The following PATZ1 variants were observed in gnomAD, a reference collection of about 807,000 sequenced individuals.
The protein encoded by PATZ1 is POZ/BTB and AT hook containing zinc finger 1, also known as POZ-, AT hook-, and zinc finger-containing protein 1.
A neutral mutation model predicts 46.2 loss-of-function variants in PATZ1; 9 were observed. The ratio of observed to expected loss-of-function variants is 0.19; its 90% confidence interval spans 0.12 to 0.34. PATZ1 has a LOEUF of 0.34. Among genes scored for constraint, PATZ1 ranks in the 10% least tolerant of loss-of-function variants. The pLI is 1.00. For missense variants in PATZ1, 632 were observed against 923.0 expected, an observed-to-expected ratio of 0.68 and a Z score of 4.08; for synonymous variants, 426 against 378.6, an observed-to-expected ratio of 1.13 and a Z score of -1.45.
intron 3 of PATZ1, among the ~76,000 whole-genome samples, chr22:31,334,501 C>T (rs185216347): frequency 6.6e-6 from 1 of 152,264 alleles, no homozygotes; most frequent in Admixed American, 6.5e-5. Flanking sequence ...ACAGCACAGG[C>T]ACCCAACGAT....
chr22:31,335,684 C>A lies in PATZ1; in HGVS notation c.1507+8G>T, dbSNP rs754627621. 1.2e-6 allele frequency: 2 copies of A among 1,612,238 alleles called. No individual in the cohort carries two copies. Among genetic ancestry groups the A allele is most frequent in the South Asian group, 1.1e-5 (1 of 91,020 alleles). ...CCTCTGGAAGTGAGGAAACAGTGGG[C>A]AGATTACCTCGGTTACAGATACTGC... On this transcript the variant is annotated splice_region_variant and intron_variant, in intron 3 of 4. Coordinates refer to ENST00000266269, the MANE Select transcript of PATZ1 (RefSeq NM_014323.3).
At chr22:31,344,152 A>T (rs929628826) in intron 1 of PATZ1, among the ~76,000 whole-genome samples, 180 bp downstream of exon 1, 2 of 152,202 alleles carry the variant, frequency 1.3e-5, no homozygotes, top group African/African-American at 4.8e-5. Flanking sequence ...GAGGGAATGG[A>T]AAGCAGGTCT....
intron 2 of PATZ1, chr22:31,340,799 C>CA (rs1331997070): frequency 9.4e-7 from 1 of 1,058,566 alleles, no homozygotes; most frequent in Non-Finnish European, 1.1e-6. Flanking sequence ...CCCCCAAAGC[C>CA]ATATATTGGG....
chr22:31,339,915 C>T (rs1458749760), intron 2 of PATZ1, among the ~76,000 whole-genome samples: 1 of 152,206 alleles, frequency 6.6e-6, no homozygotes, highest in Non-Finnish European at 1.5e-5. Flanking sequence ...GGGGTAGTCT[C>T]AAGCAGCTTT....
intron 2 of PATZ1, among the ~76,000 whole-genome samples, chr22:31,340,015 T>C (rs1174489719): frequency 6.6e-6 from 1 of 152,210 alleles, no homozygotes; most frequent in East Asian, 1.9e-4. Flanking sequence ...CATATGCCCA[T>C]CTCAACGCAT....
At position 31,341,828 on chromosome 22, in the gene PATZ1, G is replaced by A. The variant is rs554143322; in HGVS notation, c.1335+1069C>T. The A allele has an allele frequency of 1.5e-5, 11 of 709,694 alleles. No individual in the cohort carries two copies. The African/African-American group carries it at 2.0e-4, about 13-fold the overall frequency. The allele number at this position is 709,694 out of a possible 1,614,324, so 44.0% of individuals were successfully genotyped here. ...CTCTGTGATGAGAGAATCAGAGACA[G>A]AGAGAGAGAAGGCAGCAAGGCAAAG... On this transcript the variant is annotated intron_variant, in intron 2 of 4. Transcript: ENST00000266269.
intron 3 of PATZ1, among the ~76,000 whole-genome samples, chr22:31,331,672 C>G (rs2049445801): frequency 6.6e-6 from 1 of 151,890 alleles, no homozygotes; most frequent in South Asian, 2.1e-4. Flanking sequence ...CTTGTGGGGT[C>G]TCTAAAATAG....
intron 1 of PATZ1, 78 bp from the exon 2 acceptor site, chr22:31,343,038 A>G (rs956109074): frequency 1.5e-5 from 17 of 1,111,074 alleles, no homozygotes; most frequent in Non-Finnish European, 4.9e-6. Flanking sequence ...ATACGTGTGT[A>G]CACACACACA....
At chr22:31,343,099 G>C in intron 1 of PATZ1, 139 bp from the exon 2 acceptor site, 2 of 1,450,514 alleles carry the variant, frequency 1.4e-6, no homozygotes, top group Non-Finnish European at 1.8e-6. Context: ...GCATGACAAA[G>C]ACAAAGTCAC....
At position 31,342,964 on chromosome 22, in the gene PATZ1, G is replaced by C; in HGVS notation, c.1272-4C>G. The C allele has an allele frequency of 6.2e-7, 1 of 1,613,882 alleles. No individual in the cohort carries two copies. Among genetic ancestry groups the C allele is most frequent in the Non-Finnish European group, 8.5e-7 (1 of 1,179,850 alleles). On this transcript the variant is annotated splice_polypyrimidine_tract_variant and splice_region_variant and intron_variant, in intron 1 of 4. Transcript: ENST00000266269. ...ATGTCCGTTCAAGTGATCAGGCCTGGAAAAGAGAGAACCAAGAGGGACTTT... is the reference window on the plus strand; with the variant it reads ...ATGTCCGTTCAAGTGATCAGGCCTGCAAAAGAGAGAACCAAGAGGGACTTT...
intron 3 of PATZ1, 132 bp from the exon 4 acceptor site, chr22:31,329,056 G>A (rs1273092179): frequency 3.4e-6 from 3 of 869,944 alleles, no homozygotes; most frequent in African/African-American, 3.4e-5. Context: ...CCCCCTCCTG[G>A]CTCAAAAATG....
chr22:31,333,805 G>A (rs1036201734), intron 3 of PATZ1, among the ~76,000 whole-genome samples: 2 of 152,174 alleles, frequency 1.3e-5, no homozygotes, highest in Admixed American at 1.3e-4. Flanking sequence ...ACTAGCCCTT[G>A]GAAAATAAAT....
Position 31,345,918 on chromosome 22 carries a change from C to T in PATZ1, c.-316G>A. 1 of 317,802 alleles carries T rather than the reference C, an allele frequency of 3.1e-6. No homozygotes were observed. Among genetic ancestry groups the T allele is most frequent in the East Asian group, 4.8e-5 (1 of 21,018 alleles). 19.7% of individuals were successfully genotyped at this position (317,802 alleles called of 1,614,324 possible). On this transcript the variant is annotated 5_prime_UTR_variant, in exon 1 of 5. Transcript: ENST00000266269. The surrounding 1 kb of genome is among the most constrained non-coding windows in gnomAD (Gnocchi z 7.4). The stretch of plus-strand genomic sequence containing the variant: ...GGTGCGCGAGCGAAGAGGTGCGCCC[C>T]TCCTGCAAACGCGCCTGCCACCTCC...
At chr22:31,335,284 G>A (rs1207921056) in intron 3 of PATZ1, 1 of 161,228 alleles carries the variant, frequency 6.2e-6, no homozygotes, top group Non-Finnish European at 1.3e-5. Context: ...ATATGCCAGT[G>A]AATCAACCAG....
rs768522850 is a variant in PATZ1, at chr22:31,344,715, T to G, written c.888A>C (p.Leu296=). The G allele has an allele frequency of 6.2e-7, 1 of 1,612,854 alleles. No individual in the cohort carries two copies. The highest frequency in any genetic ancestry group is 1.7e-4 in the Middle Eastern group (1 of 6,056). The stretch of plus-strand genomic sequence containing the variant: ...TGGCATCAGTGAACACCTTACCACA[T>G]AGACCGCATGGAAGGATGCCTGCCT... ...LREAGILPCG[L]CGKVFTDANR... is the part of the protein sequence containing the mutation. Residue 296 remains leucine (L), a synonymous_variant, in exon 1 of 5, where the codon CTA becomes CTC. Coordinates refer to ENST00000266269, the MANE Select transcript of PATZ1 (RefSeq NM_014323.3).
Position 31,326,704 on chromosome 22 carries a change from T to A in PATZ1, c.*187A>T. ...ATTGATATTTCTGCAGAATATCAGA[T>A]GAAAATCTATTTCTAAAGACCATTG... On this transcript the variant is annotated 3_prime_UTR_variant, in exon 5 of 5. Transcript: ENST00000266269. 1.7e-6 allele frequency: 1 copy of A among 588,594 alleles called. No homozygotes were observed. The highest frequency in any genetic ancestry group is 2.2e-5 in the South Asian group (1 of 44,468). The allele number at this position is 588,594 out of a possible 1,614,324, so 36.5% of individuals were successfully genotyped here. A position where few individuals can be genotyped will look rare whatever the true frequency, so the allele number is the denominator to read the frequency against.
chr22:31,329,565 G>C (rs2049411539), intron 3 of PATZ1, among the ~76,000 whole-genome samples: 1 of 152,202 alleles, frequency 6.6e-6, no homozygotes. Context: ...TTGTGTCAGA[G>C]GAGTGCAGTC....
Position 31,344,185 on chromosome 22 carries a change from G to C in PATZ1, c.1271+147C>G, listed in dbSNP as rs573999402. ...TCTCAGGCATACCATCTCAAAATAAGGGCCCTTAAAAACACTCTACCCAAA... is the reference window on the plus strand; with the variant it reads ...TCTCAGGCATACCATCTCAAAATAACGGCCCTTAAAAACACTCTACCCAAA... On this transcript the variant is annotated intron_variant, in intron 1 of 4. Coordinates refer to ENST00000266269, the MANE Select transcript of PATZ1 (RefSeq NM_014323.3). 52 of 698,520 alleles carry C rather than the reference G, an allele frequency of 7.4e-5. No individual in the cohort carries two copies. The East Asian group carries it at 1.4e-3, about 18-fold the overall frequency. The allele number at this position is 698,520 out of a possible 1,614,324, so 43.3% of individuals were successfully genotyped here. A position where few individuals can be genotyped will look rare whatever the true frequency, so the allele number is the denominator to read the frequency against.
chr22:31,341,383 A>G (rs967517721), intron 2 of PATZ1: 4 of 1,525,478 alleles, frequency 2.6e-6, no homozygotes, highest in Non-Finnish European at 3.5e-6. Flanking sequence ...TCCACTGTCA[A>G]CCCTCTCCAG....
Sources: gnomAD v4.1 joint callset for allele counts (sites outside exome capture counted in the v4.1 genomes callset) on GRCh38, gnomAD v4.1.1 for gene constraint, Gnocchi (gnomAD v3.1) non-coding constraint, MANE v1.5 for transcripts, NCBI Gene and HGNC (gene_info 2026-07-23, HGNC 2026-07-21) for gene names.